The following PRKAR2B variants were observed in gnomAD, a reference collection of about 807,000 sequenced individuals.
PRKAR2B encodes protein kinase cAMP-dependent type II regulatory subunit beta, also known as cAMP-dependent protein kinase type II-beta regulatory subunit.
A neutral mutation model predicts 49.9 loss-of-function variants in PRKAR2B; 14 were observed. The observed-to-expected ratio is 0.28, with a 90% CI of 0.19 to 0.44. PRKAR2B has a LOEUF of 0.44. Ranked by LOEUF, PRKAR2B falls within the 20% of genes least tolerant of loss-of-function variation. The pLI, the probability that PRKAR2B is intolerant of heterozygous loss-of-function variation, is 1.00. For synonymous variants in PRKAR2B, 196 were observed against 197.7 expected (o/e 0.99, Z 0.07); for missense variants, 393 against 537.9 (o/e 0.73, Z 2.67).
At chr7:107,143,386 C>T (rs990349847) in intron 5 of PRKAR2B, among the ~76,000 whole-genome samples, 10 of 152,128 alleles carry the variant, frequency 6.6e-5, no homozygotes, top group South Asian at 4.1e-4. Flanking sequence ...TCAGCATCCC[C>T]GAAGGGGTTA....
intron 4 of PRKAR2B, among the ~76,000 whole-genome samples, chr7:107,133,095 C>T (rs1442495372): frequency 6.6e-6 from 1 of 152,120 alleles, no homozygotes. Context: ...AATTGGCATT[C>T]TGTAGGAGAA....
At chr7:107,154,286 G>A (rs1417964652) in intron 8 of PRKAR2B, among the ~76,000 whole-genome samples, 3 of 152,176 alleles carry the variant, frequency 2.0e-5, no homozygotes, top group Non-Finnish European at 2.9e-5. Flanking sequence ...TCTTCACCCA[G>A]TTTCTCCTAA....
intron 2 of PRKAR2B, among the ~76,000 whole-genome samples, chr7:107,078,657 C>T (rs576319113): frequency 2.0e-5 from 3 of 152,332 alleles, no homozygotes; most frequent in African/African-American, 7.2e-5. Flanking sequence ...CTGCTCTACA[C>T]TCTAGCAGCG....
chr7:107,091,756 G>T (rs779726564), intron 2 of PRKAR2B: 3 of 152,230 alleles, frequency 2.0e-5, no homozygotes, highest in South Asian at 4.1e-4. Flanking sequence ...CTATGTGACA[G>T]TCTCCAGCAG....
In PRKAR2B at chr7:107,045,162, C is replaced by G; in HGVS notation, c.255C>G (p.Ser85=). 1 of 1,489,950 alleles carries G rather than the reference C, an allele frequency of 6.7e-7. No individual in the cohort carries two copies. The highest frequency in any genetic ancestry group is 8.9e-7 in the Non-Finnish European group (1 of 1,119,988). The allele number at this position is 1,489,950 out of a possible 1,614,324, so 92.3% of individuals were successfully genotyped here. The change falls in exon 1 of 11, where the codon TCC becomes TCG. Residue 85 remains serine (S), a synonymous_variant. Transcript: ENST00000265717. The stretch of plus-strand genomic sequence containing the variant: ...CCGAGGAGCCCATGCAGTCCGACTC[C>G]GAGGACGGGGAGGAGGAGGAGGCGG... ...NFAEEPMQSD[S]EDGEEEEAAP...
At chr7:107,070,208 A>G (rs898561180) in intron 1 of PRKAR2B, 73 bp from the exon 2 acceptor site, 15 of 1,127,390 alleles carry the variant, frequency 1.3e-5, no homozygotes, top group South Asian at 1.3e-4. Flanking sequence ...ATGGTTTACC[A>G]ATTTGAGCCT....
At chr7:107,084,457 G>A (rs376904647) in intron 2 of PRKAR2B, among the ~76,000 whole-genome samples, 19 of 152,076 alleles carry the variant, frequency 1.2e-4, no homozygotes, top group African/African-American at 2.2e-4. Flanking sequence ...TATGTAAAGC[G>A]TAGTATTCAT....
At chr7:107,136,795 G>T (rs950844042) in intron 4 of PRKAR2B, among the ~76,000 whole-genome samples, 19 of 152,192 alleles carry the variant, frequency 1.2e-4, no homozygotes, top group African/African-American at 1.7e-4. Flanking sequence ...CTCTCCAGTA[G>T]TCATGCTCCT....
At chr7:107,069,420 A>G (rs1794219498) in intron 1 of PRKAR2B, among the ~76,000 whole-genome samples, 1 of 152,212 alleles carries the variant, frequency 6.6e-6, no homozygotes, top group Non-Finnish European at 1.5e-5. Flanking sequence ...AAATTTCATA[A>G]TTACTCTTCT....
chr7:107,157,128 G>A, intron 9 of PRKAR2B, 58 bp from the exon 10 acceptor site: 2 of 1,606,612 alleles, frequency 1.2e-6, no homozygotes, highest in Non-Finnish European at 1.7e-6. Context: ...TTTAGACTGA[G>A]GTTAATTTTA....
intron 5 of PRKAR2B, among the ~76,000 whole-genome samples, chr7:107,143,866 C>T (rs1795835579): frequency 6.6e-6 from 1 of 152,138 alleles, no homozygotes; most frequent in Non-Finnish European, 1.5e-5. Context: ...CAAGATACCT[C>T]ATTCTATATA....
chr7:107,140,294 G>A (rs1463626581), intron 4 of PRKAR2B, among the ~76,000 whole-genome samples: 2 of 152,144 alleles, frequency 1.3e-5, no homozygotes, highest in Admixed American at 1.3e-4. Flanking sequence ...CTTAATGACA[G>A]TGAATAGTGA....
intron 2 of PRKAR2B, among the ~76,000 whole-genome samples, chr7:107,083,889 G>T (rs1280801400): frequency 6.6e-6 from 1 of 152,140 alleles, no homozygotes; most frequent in African/African-American, 2.4e-5. Context: ...GGGATTACAG[G>T]CGTGAGCCAC....
intron 8 of PRKAR2B, among the ~76,000 whole-genome samples, chr7:107,153,576 TC>T (rs1562873171): frequency 3.3e-5 from 5 of 152,212 alleles, no homozygotes; most frequent in Admixed American, 6.5e-5. Context: ...ACTGGAAAAT[TC>T]TATAGAGTTT....
intron 5 of PRKAR2B, among the ~76,000 whole-genome samples, chr7:107,141,813 T>C (rs1338350038): frequency 6.6e-6 from 1 of 152,234 alleles, no homozygotes; most frequent in East Asian, 1.9e-4. Context: ...GTAAGTAGTT[T>C]GTGCATCCTT....
chr7:107,116,290 C>T (rs1584436705), intron 2 of PRKAR2B, among the ~76,000 whole-genome samples: 1 of 152,150 alleles, frequency 6.6e-6, no homozygotes, highest in South Asian at 2.1e-4. Flanking sequence ...CTTTAGGGAA[C>T]CTCCTTTGCT....
At chr7:107,156,534 G>A (rs1005819698) in intron 8 of PRKAR2B, among the ~76,000 whole-genome samples, 9 of 152,106 alleles carry the variant, frequency 5.9e-5, no homozygotes, top group African/African-American at 1.9e-4. Flanking sequence ...GGCCGGGCTC[G>A]GTGGCTCACG....
rs115802732 is a variant in PRKAR2B at position 107,119,340 on chromosome 7, C to T, written c.344-2612C>T. Among the ~76,000 whole-genome samples, 484 of 152,308 alleles carry T rather than the reference C, an allele frequency of 3.2e-3. 4 individuals are homozygous for T. Among genetic ancestry groups the T allele is most frequent in the African/African-American group, 0.011 (453 of 41,570 alleles). ...GCCAGCTTCATGGGCCCTGCACTCA[C>T]GAGGGCCGTGCATTTGGTTTAATGC... On this transcript the variant is annotated intron_variant, in intron 2 of 10. Transcript: ENST00000265717.
At chr7:107,082,716 C>G (rs901825483) in intron 2 of PRKAR2B, among the ~76,000 whole-genome samples, 4 of 152,140 alleles carry the variant, frequency 2.6e-5, no homozygotes, top group Non-Finnish European at 5.9e-5. Context: ...TCTGCAGCCT[C>G]TTGAGTAGTT....
Sources: allele counts gnomAD v4.1 joint callset (sites outside exome capture counted in the v4.1 genomes callset), GRCh38; gene constraint gnomAD v4.1.1; transcripts MANE v1.5; gene names NCBI Gene and HGNC (gene_info 2026-07-23, HGNC 2026-07-21).